Variants in ERBIN observed in about 807,000 individuals in gnomAD.
The protein encoded by ERBIN is densin-180-like protein.
A neutral mutation model predicts 158.4 loss-of-function variants in ERBIN; 60 were observed. The observed-to-expected ratio is 0.38, with a 90% CI of 0.31 to 0.47. ERBIN has a LOEUF of 0.47. Among genes scored for constraint, ERBIN ranks in the 20% least tolerant of loss-of-function variants. The probability of loss-of-function intolerance (pLI) is 0.99; values close to 1 mark genes in which losing one functional copy is unlikely to be tolerated. For synonymous variants in ERBIN, 594 were observed against 557.2 expected (o/e 1.07, Z -0.93); for missense variants, 1,610 against 1,648.0 (o/e 0.98, Z 0.40).
intron 2 of ERBIN, among the ~76,000 whole-genome samples, chr5:65,990,813 T>G (rs1580273773): frequency 6.6e-6 from 1 of 151,234 alleles, no homozygotes; most frequent in African/African-American, 2.4e-5. Flanking sequence ...CAGGCTGGAG[T>G]GCAGTGGCAC....
In ERBIN at chr5:66,044,231, A is replaced by G; in HGVS notation, c.1523A>G (p.Glu508Gly). The change falls in exon 17 of 26, where the codon GAA becomes GGA. Residue 508 changes from glutamate (E) to glycine (G), a missense_variant. Coordinates refer to ENST00000284037, the MANE Select transcript of ERBIN (RefSeq NM_001253697.2). ...VQTIVHRLKD[E>G]ETNEDSGRDL... The stretch of plus-strand genomic sequence containing the variant: ...ACCATTGTACATAGATTAAAAGATG[A>G]AGAGACCAATGAAGACTCAGGAAGA... 1.2e-6 allele frequency: 2 copies of G among 1,612,708 alleles called. No homozygotes were observed. The highest frequency in any genetic ancestry group is 1.7e-6 in the Non-Finnish European group (2 of 1,179,392).
chr5:65,956,446 G>A (rs1054475159), intron 1 of ERBIN, among the ~76,000 whole-genome samples: 1 of 146,554 alleles, frequency 6.8e-6, no homozygotes, highest in Non-Finnish European at 1.5e-5. Flanking sequence ...GTGTGATCTC[G>A]GCTCACTGCA....
intron 4 of ERBIN, among the ~76,000 whole-genome samples, chr5:66,010,740 A>G (rs1470880803): frequency 6.6e-6 from 1 of 152,208 alleles, no homozygotes; most frequent in Non-Finnish European, 1.5e-5. Flanking sequence ...TAATGGAGCA[A>G]TGGATCTTAC....
Position 66,078,497 on chromosome 5 carries a change from T to G in ERBIN, c.4206T>G (p.Val1402=). 6.2e-7 allele frequency: 1 copy of G among 1,606,230 alleles called. No individual in the cohort carries two copies. The highest frequency in any genetic ancestry group is 2.2e-5 in the East Asian group (1 of 44,606). ...VSLLKTFQNT[V]ELIIVREVSS ...TGCTAAAAACTTTCCAGAATACAGT[T>G]GAACTCATCATTGTACGAGAAGTTT... The change falls in exon 26 of 26, where the codon GTT becomes GTG. Residue 1402 remains valine (V), a synonymous_variant. Transcript: ENST00000284037.
At chr5:66,048,605 A>G (rs1758694757) in intron 18 of ERBIN, 62 bp from the exon 19 acceptor site, 9 of 877,270 alleles carry the variant, frequency 1.0e-5, no homozygotes, top group South Asian at 1.6e-5. Context: ...TTATGACTTA[A>G]TATTTATTTA....
At chr5:65,935,532 A>G (rs1743971314) in intron 1 of ERBIN, among the ~76,000 whole-genome samples, 1 of 152,252 alleles carries the variant, frequency 6.6e-6, no homozygotes, top group Non-Finnish European at 1.5e-5. Flanking sequence ...TCCAAACTGT[A>G]AAAAGGCAAG....
chr5:66,014,773 T>A (rs774281659), intron 7 of ERBIN, 48 bp downstream of exon 7: 2 of 924,012 alleles, frequency 2.2e-6, no homozygotes, highest in South Asian at 1.8e-5. Flanking sequence ...TAATTTTTAA[T>A]GATTAAGTCT....
intron 1 of ERBIN, among the ~76,000 whole-genome samples, chr5:65,973,668 C>T (rs1162863658): frequency 1.3e-5 from 2 of 151,044 alleles, no homozygotes; most frequent in Admixed American, 6.6e-5. Context: ...ACTTAAAGAA[C>T]CGAAGAAGTA....
rs984768791 is a variant in ERBIN, at chr5:65,988,122, G to A, written c.-57-513G>A. Among the ~76,000 whole-genome samples the A allele has an allele frequency of 3.3e-5, 5 of 152,286 alleles. No homozygotes were observed. The South Asian group carries it at 1.0e-3, about 32-fold the overall frequency. On this transcript the variant is annotated intron_variant, in intron 1 of 25. Coordinates refer to ENST00000284037, the MANE Select transcript of ERBIN (RefSeq NM_001253697.2). ...GCAGTGTCTCACGTTTGTAATCCCAGCACTTTGGGAGACTGAGGTGGGAGA... is the reference window on the plus strand; with the variant it reads ...GCAGTGTCTCACGTTTGTAATCCCAACACTTTGGGAGACTGAGGTGGGAGA...
At chr5:66,066,531 A>C (rs925496285) in intron 21 of ERBIN, among the ~76,000 whole-genome samples, 1 of 143,768 alleles carries the variant, frequency 7.0e-6, no homozygotes, top group Non-Finnish European at 1.5e-5. Flanking sequence ...ATAAAAAAAA[A>C]AAAACAAAAA....
At chr5:65,964,393 C>A (rs779209642) in intron 1 of ERBIN, among the ~76,000 whole-genome samples, 3 of 152,166 alleles carry the variant, frequency 2.0e-5, no homozygotes, top group Non-Finnish European at 4.4e-5. Flanking sequence ...ACCTGGAGAG[C>A]TCATAACATG....
At chr5:66,007,546 TAAAA>T (rs34972803) in intron 4 of ERBIN, among the ~76,000 whole-genome samples, 5 of 136,892 alleles carry the variant, frequency 3.7e-5, no homozygotes, top group African/African-American at 5.4e-5. Flanking sequence ...TAAAGTATAA[TAAAA>T]AAAAAAAAAA....
At chr5:66,066,021 C>CT (rs1760955345) in intron 21 of ERBIN, among the ~76,000 whole-genome samples, 1 of 151,982 alleles carries the variant, frequency 6.6e-6, no homozygotes, top group African/African-American at 2.4e-5. Context: ...AAAATTAACT[C>CT]TTTATTTCTG....
At chr5:66,053,021 T>C (rs1189082119) in intron 20 of ERBIN, among the ~76,000 whole-genome samples, 1 of 152,208 alleles carries the variant, frequency 6.6e-6, no homozygotes, top group Admixed American at 6.5e-5. Context: ...TTCATGTTAC[T>C]AGGTTTCTCT....
In ERBIN at chr5:66,054,895, C is replaced by T. The variant is rs368121130; in HGVS notation, c.3577C>T (p.Pro1193Ser). 1 of 1,613,804 alleles carries T rather than the reference C, an allele frequency of 6.2e-7. No individual in the cohort carries two copies. The highest frequency in any genetic ancestry group is 1.7e-5 in the Admixed American group (1 of 59,960). Reference protein sequence around the residue: ...LLDPPGKSKVPRDWREQVLRH... With the variant: ...LLDPPGKSKVSRDWREQVLRH... ...AGATCCTCCAGGAAAAAGTAAAGTT[C>T]CTCGTGACTGGAGAGAACAAGTACT... Residue 1193 changes from proline to serine, a missense_variant, in exon 21 of 26, where the codon CCT becomes TCT. Physicochemically the swap from Pro to Ser is moderately conservative, Grantham distance 74 (BLOSUM62 -1). This residue lies in a region of ERBIN where 1,014 missense variants were observed against 936.1 expected (regional missense o/e 1.08). Transcript: ENST00000284037.
chr5:65,988,814 C>T (rs1457318327), intron 2 of ERBIN, 132 bp downstream of exon 2: 1 of 151,856 alleles, frequency 6.6e-6, no homozygotes, highest in African/African-American at 2.4e-5. Context: ...GCGAAACCCC[C>T]ATCTCTGTAG....
chr5:66,026,196 C>G (rs572850548), intron 12 of ERBIN, 106 bp from the exon 13 acceptor site: 22 of 760,608 alleles, frequency 2.9e-5, no homozygotes, highest in Non-Finnish European at 4.4e-5. Flanking sequence ...ATTATTTCTT[C>G]TATAAATGTG....
intron 1 of ERBIN, among the ~76,000 whole-genome samples, chr5:65,974,978 G>A (rs1176104368): frequency 6.6e-6 from 1 of 152,144 alleles, no homozygotes; most frequent in Non-Finnish European, 1.5e-5. Context: ...GCAAGGGGGA[G>A]AAGTGAATTT....
intron 5 of ERBIN, 94 bp from the exon 6 acceptor site, chr5:66,013,455 G>C (rs1357571581): frequency 2.2e-6 from 2 of 919,420 alleles, no homozygotes; most frequent in East Asian, 2.4e-5. Context: ...ACTGTTTTCT[G>C]TCTGTTGGGA....
Sources: gnomAD v4.1 joint callset for allele counts (sites outside exome capture counted in the v4.1 genomes callset) on GRCh38, gnomAD v4.1.1 for gene constraint, gnomAD v4.1.1 regional missense constraint, MANE v1.5 for transcripts, NCBI Gene and HGNC (gene_info 2026-07-23, HGNC 2026-07-21) for gene names.